Variants in ADCY10 observed in about 807,000 individuals in gnomAD.
The protein encoded by ADCY10 is adenylate cyclase 10, also known as adenylate cyclase type 10.
ADCY10 carries 156 observed loss-of-function variants against 183.3 expected under a neutral mutation model. The observed-to-expected ratio is 0.85, with a 90% CI of 0.75 to 0.97. The LOEUF (loss-of-function observed/expected upper bound fraction) is 0.97, where lower values mean the gene tolerates loss of function less well. Ranked by LOEUF, ADCY10 falls within the 50% of genes least tolerant of loss-of-function variation. The pLI, the probability that ADCY10 is intolerant of heterozygous loss-of-function variation, is 0.00. For synonymous variants in ADCY10, 645 were observed against 670.0 expected, an observed-to-expected ratio of 0.96 and a Z score of 0.58; for missense variants, 1,745 against 1,934.3, an observed-to-expected ratio of 0.90 and a Z score of 1.84.
intron 11 of ADCY10, 31 bp from the exon 12 acceptor site, chr1:167,878,666 G>C (rs369050423): frequency 1.2e-6 from 2 of 1,601,676 alleles, no homozygotes; most frequent in African/African-American, 2.7e-5. Flanking sequence ...TCAAAGATCA[G>C]GGAAATAACA....
chr1:167,855,866 C>T (rs1041268851), intron 17 of ADCY10, among the ~76,000 whole-genome samples: 4 of 151,668 alleles, frequency 2.6e-5, no homozygotes, highest in South Asian at 2.1e-4. Context: ...AAAAATTTAC[C>T]GGAGGTGCAC....
At chr1:167,854,257 G>A (rs1260344804) in intron 18 of ADCY10, 96 bp downstream of exon 18, 1 of 1,459,306 alleles carries the variant, frequency 6.9e-7, no homozygotes, top group East Asian at 2.3e-5. Flanking sequence ...TCTACAGGAA[G>A]CAGCCTGTGG....
intron 18 of ADCY10, among the ~76,000 whole-genome samples, 172 bp from the exon 19 acceptor site, chr1:167,848,661 G>GT (rs1034536627): frequency 3.7e-4 from 56 of 151,098 alleles, no homozygotes; most frequent in Non-Finnish European, 2.7e-4. Context: ...TTTGTTTTTT[G>GT]TTTTTTTGAG....
At chr1:167,874,632 T>G (rs548602713) in intron 13 of ADCY10, among the ~76,000 whole-genome samples, 1 of 152,322 alleles carries the variant, frequency 6.6e-6, no homozygotes, top group African/African-American at 2.4e-5. Context: ...TCAACAGAAA[T>G]GCATACATGC....
In ADCY10 at chr1:167,881,588, T is replaced by C. The variant is rs192426447; in HGVS notation, c.1021-979A>G. ...TAGCGGCCTGGCAAGAGCTTTTGAT[T>C]CCCCCTAGCAATGGAATGACAGCTC... On this transcript the variant is annotated intron_variant, in intron 9 of 32. Transcript: ENST00000367851. 5.2e-3 allele frequency among the ~76,000 whole-genome samples: 788 copies of C among 152,214 alleles called. 10 individuals are homozygous for C. The highest frequency in any genetic ancestry group is 0.018 in the African/African-American group (756 of 41,542).
chr1:167,887,619 T>C (rs1041789100), intron 8 of ADCY10, among the ~76,000 whole-genome samples: 4 of 151,914 alleles, frequency 2.6e-5, no homozygotes, highest in African/African-American at 7.3e-5. Flanking sequence ...GGGTGCAGCA[T>C]ACCAACATGG....
At chr1:167,888,290 T>G (rs1409814625) in intron 8 of ADCY10, among the ~76,000 whole-genome samples, 1 of 150,932 alleles carries the variant, frequency 6.6e-6, no homozygotes. Flanking sequence ...AATTTTAGAA[T>G]TTTTTTTTTC....
chr1:167,814,339 A>G (rs1662387650), intron 31 of ADCY10, among the ~76,000 whole-genome samples: 1 of 151,994 alleles, frequency 6.6e-6, no homozygotes, highest in African/African-American at 2.4e-5. Context: ...CAGACAAAAT[A>G]AACTTTAAAT....
intron 17 of ADCY10, among the ~76,000 whole-genome samples, chr1:167,854,869 T>C (rs565903620): frequency 2.0e-5 from 3 of 152,058 alleles, no homozygotes; most frequent in African/African-American, 7.2e-5. Context: ...ACAGAAAGAA[T>C]GAGTGCCAAA....
intron 30 of ADCY10, 50 bp from the exon 31 acceptor site, chr1:167,818,317 A>T (rs750279007): frequency 6.5e-7 from 1 of 1,538,850 alleles, no homozygotes; most frequent in Non-Finnish European, 9.0e-7. Flanking sequence ...CATTAGGAAT[A>T]GGCTGGCTTT....
At chr1:167,836,668 T>A in intron 22 of ADCY10, 128 bp from the exon 23 acceptor site, 1 of 682,746 alleles carries the variant, frequency 1.5e-6, no homozygotes, top group South Asian at 1.7e-5. Flanking sequence ...AGCTGGTGGA[T>A]CATCTGAGAT....
At chr1:167,859,674 G>A in intron 16 of ADCY10, 133 bp downstream of exon 16, 1 of 772,214 alleles carries the variant, frequency 1.3e-6, no homozygotes, top group Non-Finnish European at 2.4e-6. Context: ...GGAGAATGAA[G>A]CACTTTAGGA....
At chr1:167,896,757 T>C in intron 6 of ADCY10, 66 bp from the exon 7 acceptor site, 4 of 1,135,202 alleles carry the variant, frequency 3.5e-6, no homozygotes, top group Non-Finnish European at 5.4e-6. Flanking sequence ...GAAGTGTAAT[T>C]TCTTAGCAGA....
At chr1:167,837,545 GTCT>G (rs1267379627) in intron 21 of ADCY10, among the ~76,000 whole-genome samples, 1 of 152,342 alleles carries the variant, frequency 6.6e-6, no homozygotes, top group Non-Finnish European at 1.5e-5. Flanking sequence ...ATGGTTATGT[GTCT>G]TCTCTGCCTT....
At chr1:167,838,195 G>A (rs1302194738) in intron 21 of ADCY10, among the ~76,000 whole-genome samples, 1 of 152,168 alleles carries the variant, frequency 6.6e-6, no homozygotes, top group Non-Finnish European at 1.5e-5. Flanking sequence ...CCATAGATAA[G>A]TACCCCAACT....
At chr1:167,890,608 T>TG (rs77652580) in intron 8 of ADCY10, among the ~76,000 whole-genome samples, 152,309 of 152,312 alleles carry the variant, frequency 1, 76,153 homozygotes, top group Non-Finnish European at 1. Context: ...AATCAGCAGG[T>TG]GCAAAGCCAG....
At chr1:167,819,836 A>C in intron 30 of ADCY10, 1 of 683,998 alleles carries the variant, frequency 1.5e-6, no homozygotes, top group South Asian at 1.6e-5. Context: ...AAGTGCTGGG[A>C]TTACAGGTGT....
chr1:167,833,262 A>T, intron 24 of ADCY10, 100 bp from the exon 25 acceptor site: 1 of 1,191,904 alleles, frequency 8.4e-7, no homozygotes. Flanking sequence ...TCTTATCAAA[A>T]AAGGTAATTT....
chr1:167,871,033 G>T (rs1667070417), intron 13 of ADCY10, among the ~76,000 whole-genome samples: 1 of 151,934 alleles, frequency 6.6e-6, no homozygotes, highest in South Asian at 2.1e-4. Flanking sequence ...TACACAACCA[G>T]GAATTAAGCC....
Sources: allele counts gnomAD v4.1 joint callset (sites outside exome capture counted in the v4.1 genomes callset), GRCh38; gene constraint gnomAD v4.1.1; transcripts MANE v1.5; gene names NCBI Gene and HGNC (gene_info 2026-07-23, HGNC 2026-07-21).